The following NUFIP2 variants were observed in gnomAD, a reference collection of about 807,000 sequenced individuals.
NUFIP2 encodes FMR1-interacting protein NUFIP2.
A neutral mutation model predicts 56.9 loss-of-function variants in NUFIP2; 6 were observed. The observed-to-expected ratio is 0.11, with a 90% confidence interval of 0.06 to 0.21. NUFIP2 has a LOEUF of 0.21. Ranked by LOEUF, NUFIP2 falls within the 10% of genes least tolerant of loss-of-function variation. NUFIP2 has a pLI of 1.00. For synonymous variants in NUFIP2, 321 were observed against 298.2 expected (o/e 1.08, Z -0.79); for missense variants, 828 against 826.8 (o/e 1.00, Z -0.02).
chr17:29,294,118 G>A lies in NUFIP2; in HGVS notation c.-59C>T, dbSNP rs1013487820. The A allele has an allele frequency of 1.8e-5, 27 of 1,538,976 alleles. No homozygotes were observed. The African/African-American group carries it at 2.6e-4, about 15-fold the overall frequency. ...GGGCTGCTGCACCGTCAGGATCTGAGACTGCTTCTCAGGGCTCACTCAGTA... is the reference window on the plus strand; with the variant it reads ...GGGCTGCTGCACCGTCAGGATCTGAAACTGCTTCTCAGGGCTCACTCAGTA... On this transcript the variant is annotated 5_prime_UTR_variant, in exon 1 of 4. Coordinates refer to ENST00000225388, the MANE Select transcript of NUFIP2 (RefSeq NM_020772.3).
intron 2 of NUFIP2, among the ~76,000 whole-genome samples, chr17:29,271,185 G>C (rs545469315): frequency 4.6e-5 from 7 of 152,246 alleles, no homozygotes; most frequent in African/African-American, 1.4e-4. Context: ...GGGAAATAGG[G>C]ATGTATGATG....
intron 2 of NUFIP2, among the ~76,000 whole-genome samples, chr17:29,285,689 G>C (rs1412351915): frequency 6.6e-6 from 1 of 151,692 alleles, no homozygotes; most frequent in Non-Finnish European, 1.5e-5. Flanking sequence ...ACTCAGTCAA[G>C]AGAAAATATA....
intron 2 of NUFIP2, among the ~76,000 whole-genome samples, chr17:29,280,627 A>C (rs1412026966): frequency 6.6e-6 from 1 of 151,362 alleles, no homozygotes; most frequent in Non-Finnish European, 1.5e-5. Context: ...TCAAGGGTGC[A>C]GTGAGCTAGG....
intron 1 of NUFIP2, among the ~76,000 whole-genome samples, chr17:29,288,884 A>G (rs2069193885): frequency 6.6e-6 from 1 of 152,232 alleles, no homozygotes; most frequent in South Asian, 2.1e-4. Context: ...CTGCCAGTGG[A>G]TCATGTCTGT....
chr17:29,262,729 T>TTATA lies in NUFIP2; in HGVS notation c.*1806_*1809dup, dbSNP rs10595554. 22 of 146,552 alleles carry TTATA rather than the reference T, an allele frequency of 1.5e-4. No individual in the cohort carries two copies. Among genetic ancestry groups the TTATA allele is most frequent in the Admixed American group, 2.7e-4 (4 of 14,564 alleles). The allele number at this position is 146,552 out of a possible 1,614,324, so 9.1% of individuals were successfully genotyped here. A position where few individuals can be genotyped will look rare whatever the true frequency, so the allele number is the denominator to read the frequency against. On this transcript the variant is annotated 3_prime_UTR_variant, in exon 4 of 4. Coordinates refer to ENST00000225388, the MANE Select transcript of NUFIP2 (RefSeq NM_020772.3). ...ACCTGGACTGATACAATAAGTTATT[T>TTATA]TATATATATATATATATATTATGTA... is the stretch of plus-strand genomic sequence containing the variant.
chr17:29,287,766 T>C, intron 1 of NUFIP2, 50 bp from the exon 2 acceptor site: 1 of 1,471,692 alleles, frequency 6.8e-7, no homozygotes, highest in Non-Finnish European at 9.1e-7. Flanking sequence ...AACATGTAAA[T>C]TACACTAATA....
At position 29,267,505 on chromosome 17, in the gene NUFIP2, C is replaced by T; in HGVS notation, c.2028G>A (p.Gln676=). 6.5e-7 allele frequency: 1 copy of T among 1,530,258 alleles called. No individual in the cohort carries two copies. The highest frequency in any genetic ancestry group is 9.0e-7 in the Non-Finnish European group (1 of 1,115,338). The allele number at this position is 1,530,258 out of a possible 1,614,324, so 94.8% of individuals were successfully genotyped here. A position where few individuals can be genotyped will look rare whatever the true frequency, so the allele number is the denominator to read the frequency against. Residue 676 remains glutamine, a synonymous_variant, in exon 3 of 4, where the codon CAG becomes CAA. Transcript: ENST00000225388. ...TAATCTAATCATTCTTACCTTGCTT[C>T]TGCAAATTCCAAATAGATTCCATTT... The part of the protein sequence containing the change: ...TKEMESIWNL[Q]KQDPKRIITY...
rs1378345404 is a variant in NUFIP2, at chr17:29,287,254, T to G, written c.740A>C (p.Gln247Pro). 1 of 1,614,230 alleles carries G rather than the reference T, an allele frequency of 6.2e-7. No homozygotes were observed. Among genetic ancestry groups the G allele is most frequent in the Non-Finnish European group, 8.5e-7 (1 of 1,180,036 alleles). Residue 247 changes from glutamine (Q) to proline (P), a missense_variant, in exon 2 of 4, where the codon CAA (glutamine) becomes CCA (proline). Physicochemically the swap from Gln to Pro is moderately conservative, Grantham distance 76. Around this residue, in one of 3 missense-constraint regions of NUFIP2, gnomAD observed 415 missense variants for 408.7 expected, o/e 1.02. Coordinates refer to ENST00000225388, the MANE Select transcript of NUFIP2 (RefSeq NM_020772.3). The stretch of plus-strand genomic sequence containing the variant: ...TTTTAAGGTTGGGACACTGGTCTCT[T>G]GTTGCATTATTTTGTCCTGCACTAT... The part of the protein sequence containing the change: ...LNIVQDKIMQ[Q>P]ETSVPTLKQG...
At chr17:29,287,851 CTA>C (rs1415162270) in intron 1 of NUFIP2, 135 bp from the exon 2 acceptor site, 2 of 907,012 alleles carry the variant, frequency 2.2e-6, no homozygotes, top group Admixed American at 3.0e-5. Flanking sequence ...TTTCACATCT[CTA>C]TGAGAAGACA....
At chr17:29,291,986 C>A (rs2069216719) in intron 1 of NUFIP2, among the ~76,000 whole-genome samples, 1 of 152,148 alleles carries the variant, frequency 6.6e-6, no homozygotes, top group Non-Finnish European at 1.5e-5. Flanking sequence ...AAATTTGATA[C>A]GCTGGGTTTA....
chr17:29,286,851 TGAA>T lies in NUFIP2; in HGVS notation c.1140_1142del (p.Ser386del). On this transcript the variant is annotated inframe_deletion, in exon 2 of 4. Transcript: ENST00000225388. ...TTTCCCCGGTAGATGATGAAGATGA[TGAA>T]GATGAAGTTGGTGACACAGAAGAGT... 1 of 1,614,048 alleles carries T rather than the reference TGAA, an allele frequency of 6.2e-7. No individual in the cohort carries two copies. The highest frequency in any genetic ancestry group is 1.1e-5 in the South Asian group (1 of 91,074).
chr17:29,276,029 AATATATATAT>A (rs71135888), intron 2 of NUFIP2, among the ~76,000 whole-genome samples: 2 of 138,140 alleles, frequency 1.4e-5, no homozygotes, highest in South Asian at 5.1e-4. Context: ...CTCCGTCTCA[AATATATATAT>A]ATATATATAT....
chr17:29,278,918 T>C (rs192794681), intron 2 of NUFIP2, among the ~76,000 whole-genome samples: 167 of 152,314 alleles, frequency 1.1e-3, no homozygotes, highest in Non-Finnish European at 2.1e-3. Flanking sequence ...AAGGGGACCT[T>C]ATCCCATATT....
chr17:29,276,029 AAT>A lies in NUFIP2; in HGVS notation c.2003-8501_2003-8500del, dbSNP rs71135888. Reference sequence around the variant, plus strand: ...GGTGACAGAGTAAGACTCCGTCTCAAATATATATATATATATATATCTGAAAG... The same window carrying A: ...GGTGACAGAGTAAGACTCCGTCTCAAATATATATATATATATATCTGAAAG... On this transcript the variant is annotated intron_variant, in intron 2 of 3. Transcript: ENST00000225388. Among the ~76,000 whole-genome samples the A allele has an allele frequency of 1.1e-3, 147 of 137,938 alleles. 1 individual carries two copies. The highest frequency in any genetic ancestry group is 3.8e-3 in the Middle Eastern group (1 of 264). The allele number at this position is 137,938 out of a possible 152,430, so 90.5% of individuals were successfully genotyped here.
intron 3 of NUFIP2, among the ~76,000 whole-genome samples, chr17:29,267,062 C>T (rs546357332): frequency 6.6e-6 from 1 of 151,142 alleles, no homozygotes; most frequent in East Asian, 1.9e-4. Context: ...TGCCACCACG[C>T]CCAGCTAATT....
chr17:29,273,360 A>G (rs1364140790), intron 2 of NUFIP2, among the ~76,000 whole-genome samples: 5 of 151,100 alleles, frequency 3.3e-5, no homozygotes, highest in Non-Finnish European at 7.4e-5. Context: ...TTTAGTAGAG[A>G]CAGGTTCCGC....
chr17:29,277,944 A>T (rs892497260), intron 2 of NUFIP2, among the ~76,000 whole-genome samples: 8 of 152,144 alleles, frequency 5.3e-5, no homozygotes, highest in African/African-American at 1.9e-4. Flanking sequence ...CCCAGGAGGT[A>T]GAGGTAGCAG....
Position 29,287,540 on chromosome 17 carries a change from TG to T in NUFIP2, c.453del (p.Lys152ArgfsTer27). ...ATACTGTTTTTCTGAATGAAATTCTTGGTTTTAATTCCTGCTTTCCCAAAGG... is the reference window on the plus strand; with the variant it reads ...ATACTGTTTTTCTGAATGAAATTCTTGTTTTAATTCCTGCTTTCCCAAAGG... The part of the protein sequence containing the change: ...ANTFGKAGIK[T>X]KNFIQKNSMD... On this transcript the variant is annotated frameshift_variant, in exon 2 of 4. Transcript: ENST00000225388. LOFTEE classifies it high-confidence loss of function. The T allele has an allele frequency of 6.2e-7, 1 of 1,614,162 alleles. No homozygotes were observed. Among genetic ancestry groups the T allele is most frequent in the Non-Finnish European group, 8.5e-7 (1 of 1,180,024 alleles).
chr17:29,279,314 T>C (rs2069126458), intron 2 of NUFIP2, among the ~76,000 whole-genome samples: 1 of 152,234 alleles, frequency 6.6e-6, no homozygotes, highest in Non-Finnish European at 1.5e-5. Flanking sequence ...ATCTGTTCCC[T>C]TATGCCCTTT....
Sources: gnomAD v4.1 joint callset for allele counts (sites outside exome capture counted in the v4.1 genomes callset) on GRCh38, gnomAD v4.1.1 for gene constraint, gnomAD v4.1.1 regional missense constraint, MANE v1.5 for transcripts, NCBI Gene and HGNC (gene_info 2026-07-23, HGNC 2026-07-21) for gene names.